Variants in GPAM observed in about 807,000 individuals in gnomAD.
GPAM encodes the protein glycerol-3-phosphate acyltransferase 1, mitochondrial.
GPAM carries 56 observed loss-of-function variants against 105.0 expected under a neutral mutation model. The ratio of observed to expected loss-of-function variants is 0.53; its 90% confidence interval spans 0.43 to 0.67. The LOEUF is 0.67. GPAM is among the 30% of genes least tolerant of loss of function. The probability of loss-of-function intolerance (pLI) is 0.00; values close to 1 mark genes in which losing one functional copy is unlikely to be tolerated. For synonymous variants in GPAM, 368 were observed against 354.4 expected (o/e 1.04, Z -0.43); for missense variants, 855 against 989.8 (o/e 0.86, Z 1.83).
chr10:112,185,571 GACACAC>G (rs55812271), upstream of GPAM, among the ~76,000 whole-genome samples: 24,330 of 143,154 alleles, frequency 0.17, 2,098 homozygotes, highest in Middle Eastern at 0.23. Context: ...CACACACACA[GACACAC>G]ACACACACAC....
At chr10:112,167,803 T>C (rs1847244964) in intron 11 of GPAM, among the ~76,000 whole-genome samples, 1 of 152,214 alleles carries the variant, frequency 6.6e-6, no homozygotes, top group African/African-American at 2.4e-5. Context: ...TTTGTGATAA[T>C]TCAAGCTACA....
At chr10:112,215,664 T>G (rs1324995391), upstream of GPAM, among the ~76,000 whole-genome samples, 1 of 152,108 alleles carries the variant, frequency 6.6e-6, no homozygotes, top group Non-Finnish European at 1.5e-5. Flanking sequence ...ACAGCTTGAG[T>G]GTTCACATGG....
intron 20 of GPAM, chr10:112,154,897 T>C: frequency 1.6e-6 from 1 of 614,060 alleles, no homozygotes; most frequent in Non-Finnish European, 2.9e-6. Context: ...CTTTGTCCTA[T>C]ATTGAGGTAA....
chr10:112,153,869 A>ATTTTTTTTT (rs3052610), intron 21 of GPAM: 1 of 431,384 alleles, frequency 2.3e-6, no homozygotes. Context: ...TTCTTTTTCT[A>ATTTTTTTTT]TTTTTTTTTT....
chr10:112,226,245 C>G, the GPAM span, among the ~76,000 whole-genome samples: 1 of 152,210 alleles, frequency 6.6e-6, no homozygotes, highest in African/African-American at 2.4e-5. Context: ...CCTGAGCACC[C>G]ACTATGTTCT....
At chr10:112,194,193 C>CACT (rs1270449650) in intron 1 of GPAM, among the ~76,000 whole-genome samples, 2 of 152,316 alleles carry the variant, frequency 1.3e-5, no homozygotes, top group East Asian at 3.9e-4. Flanking sequence ...GTAAGCTGTA[C>CACT]ACTGGCTCTT....
At chr10:112,217,953 T>C (rs1048266372), upstream of GPAM, among the ~76,000 whole-genome samples, 3 of 152,246 alleles carry the variant, frequency 2.0e-5, no homozygotes, top group Non-Finnish European at 4.4e-5. Flanking sequence ...GACTTCATTG[T>C]TTATGGAGAA....
chr10:112,157,402 G>A lies in GPAM; in HGVS notation c.1981-13C>T. On this transcript the variant is annotated splice_polypyrimidine_tract_variant and intron_variant, in intron 18 of 21. Transcript: ENST00000348367. ...CCTGGTCATCGTGCTAGGCCAAGGAGATGATGGATAGTAAATAAATATGCA... is the reference window on the plus strand; with the variant it reads ...CCTGGTCATCGTGCTAGGCCAAGGAAATGATGGATAGTAAATAAATATGCA... 6.2e-7 allele frequency: 1 copy of A among 1,612,898 alleles called. No individual in the cohort carries two copies. Among genetic ancestry groups the A allele is most frequent in the South Asian group, 1.1e-5 (1 of 91,042 alleles).
intron 1 of GPAM, among the ~76,000 whole-genome samples, chr10:112,193,563 A>G (rs1371818817): frequency 6.6e-6 from 1 of 152,148 alleles, no homozygotes. Flanking sequence ...TATTACTCCC[A>G]TTTTTCAGAT....
chr10:112,203,117 G>A (rs1847818010), intron 1 of GPAM, among the ~76,000 whole-genome samples: 1 of 152,164 alleles, frequency 6.6e-6, no homozygotes, highest in Non-Finnish European at 1.5e-5. Flanking sequence ...GGGGAGCAGA[G>A]GGGAGGGAGA....
chr10:112,182,906 T>C lies in GPAM; in HGVS notation c.-127-15A>G, dbSNP rs922043347. 8 of 152,180 alleles carry C rather than the reference T, an allele frequency of 5.3e-5. No individual in the cohort carries two copies. Among genetic ancestry groups the C allele is most frequent in the African/African-American group, 1.7e-4 (7 of 41,492 alleles). The allele number at this position is 152,180 out of a possible 1,614,324, so 9.4% of individuals were successfully genotyped here. A position where few individuals can be genotyped will look rare whatever the true frequency, so the allele number is the denominator to read the frequency against. On this transcript the variant is annotated splice_polypyrimidine_tract_variant and intron_variant, in intron 1 of 21. Coordinates refer to ENST00000348367, the MANE Select transcript of GPAM (RefSeq NM_001244949.2). ...GCCGCTGCTGCCTGAGAAAATGAAG[T>C]GAAGAGAGGATGAGGAGAGGACAAA...
At chr10:112,174,678 A>G (rs1218696905) in intron 6 of GPAM, among the ~76,000 whole-genome samples, 3 of 152,174 alleles carry the variant, frequency 2.0e-5, no homozygotes, top group Non-Finnish European at 4.4e-5. Context: ...ATAGCCCCAT[A>G]ATTCACTAAT....
At position 112,151,150 on chromosome 10, in the gene GPAM, AG is replaced by A; in HGVS notation, c.*2399del. On this transcript the variant is annotated 3_prime_UTR_variant, in exon 22 of 22. Coordinates refer to ENST00000348367, the MANE Select transcript of GPAM (RefSeq NM_001244949.2). ...TAACTTGACCACAGTCTTCCCCTGA[AG>A]AAGGGCATGCATTTCATGTTACAGA... is the stretch of plus-strand genomic sequence containing the variant. The A allele has an allele frequency of 1.0e-6, 1 of 984,304 alleles. No homozygotes were observed. Among genetic ancestry groups the A allele is most frequent in the East Asian group, 1.1e-4 (1 of 8,812 alleles). 61.0% of individuals were successfully genotyped at this position (984,304 alleles called of 1,614,324 possible).
intron 6 of GPAM, among the ~76,000 whole-genome samples, chr10:112,174,111 A>T (rs1847362009): frequency 6.6e-6 from 1 of 152,234 alleles, no homozygotes; most frequent in Non-Finnish European, 1.5e-5. Context: ...GGTGAATTTG[A>T]ATGTTCCCAT....
chr10:112,156,066 A>T lies in GPAM; in HGVS notation c.2122-13T>A. On this transcript the variant is annotated splice_polypyrimidine_tract_variant and intron_variant, in intron 19 of 21. Transcript: ENST00000348367. ...TGGATTGGCTCACCTGAGTGTGCAA[A>T]AGCAGGAGATGAAGTCATGAGGAAG... is the stretch of plus-strand genomic sequence containing the variant. 1 of 1,598,100 alleles carries T rather than the reference A, an allele frequency of 6.3e-7. No homozygotes were observed. Among genetic ancestry groups the T allele is most frequent in the East Asian group, 2.2e-5 (1 of 44,716 alleles).
intron 1 of GPAM, among the ~76,000 whole-genome samples, chr10:112,207,298 G>A (rs1430397694): frequency 6.6e-6 from 1 of 152,196 alleles, no homozygotes; most frequent in South Asian, 2.1e-4. Context: ...GACCCATTCT[G>A]ATCCAACCTA....
chr10:112,189,751 G>A (rs150343076), intron 1 of GPAM, among the ~76,000 whole-genome samples: 29 of 152,222 alleles, frequency 1.9e-4, no homozygotes, highest in Admixed American at 8.5e-4. Flanking sequence ...AGCTGGCACC[G>A]CTTCCTTTTC....
Position 112,172,972 on chromosome 10 carries a change from C to T in GPAM, c.655G>A (p.Glu219Lys). 1 of 1,523,728 alleles carries T rather than the reference C, an allele frequency of 6.6e-7. No homozygotes were observed. Among genetic ancestry groups the T allele is most frequent in the Non-Finnish European group, 9.1e-7 (1 of 1,097,564 alleles). The allele number at this position is 1,523,728 out of a possible 1,614,324, so 94.4% of individuals were successfully genotyped here. A position where few individuals can be genotyped will look rare whatever the true frequency, so the allele number is the denominator to read the frequency against. The change falls in exon 8 of 22, where the codon GAG (glutamate) becomes AAG (lysine). Residue 219 changes from glutamate to lysine, a missense_variant and splice_region_variant. Glu to Lys is a moderately conservative substitution (Grantham distance 56). Transcript: ENST00000348367. ...AATAGATTCACAGAAATTCTTGCCT[C>T]AGTTGCAGCTTTAACCATCTCAAGT... ...GQLEMVKAAT[E>K]TNLPLLFLPV...
At chr10:112,196,802 T>C (rs1271561680) in intron 1 of GPAM, among the ~76,000 whole-genome samples, 2 of 152,220 alleles carry the variant, frequency 1.3e-5, no homozygotes, top group Non-Finnish European at 2.9e-5. Context: ...TACTACTGGT[T>C]GGATGGATCA....
Sources: allele counts gnomAD v4.1 joint callset (sites outside exome capture counted in the v4.1 genomes callset), GRCh38; gene constraint gnomAD v4.1.1; transcripts MANE v1.5; gene names NCBI Gene and HGNC (gene_info 2026-07-23, HGNC 2026-07-21).